The following TF variants were observed in gnomAD, a reference collection of about 807,000 sequenced individuals.
TF encodes the protein serotransferrin.
TF carries 55 observed loss-of-function variants against 82.4 expected under a neutral mutation model. The observed-to-expected ratio is 0.67, with a 90% CI of 0.54 to 0.84. The LOEUF (loss-of-function observed/expected upper bound fraction) is 0.84. TF is among the 40% of genes least tolerant of loss of function. The pLI is 0.00. For missense variants in TF, 737 were observed against 868.4 expected (o/e 0.85, Z 1.90); for synonymous variants, 332 against 332.6 (o/e 1.00, Z 0.02).
intron 7 of TF, 122 bp downstream of exon 7, chr3:133,757,131 C>A: frequency 7.7e-7 from 1 of 1,302,296 alleles, no homozygotes; most frequent in Non-Finnish European, 1.1e-6. Flanking sequence ...GGAGCCATGC[C>A]ACATGTCACT....
chr3:133,766,510 G>A (rs1440399528), intron 12 of TF, 77 bp downstream of exon 12: 6 of 1,590,446 alleles, frequency 3.8e-6, no homozygotes, highest in Non-Finnish European at 5.2e-6. Context: ...AGAGGAGTGT[G>A]GCATAAGGTG....
the TF span, among the ~76,000 whole-genome samples, chr3:133,733,753 C>T: frequency 6.6e-6 from 1 of 152,296 alleles, no homozygotes; most frequent in East Asian, 1.9e-4. Flanking sequence ...TGCACACAAT[C>T]CTATCTGCCC....
chr3:133,666,928 C>T, the TF span, among the ~76,000 whole-genome samples: 22,074 of 151,548 alleles, frequency 0.15, 1,866 homozygotes, highest in Non-Finnish European at 0.2. Context: ...CCCAGCTACT[C>T]GGGAGGCTGA....
In TF at chr3:133,783,394, A is replaced by AT. The variant is rs1934564961; in HGVS notation, c.*4778dup. 6.6e-6 allele frequency: 1 copy of AT among 152,202 alleles called. No homozygotes were observed. 9.4% of individuals were successfully genotyped at this position (152,202 alleles called of 1,614,324 possible). A position where few individuals can be genotyped will look rare whatever the true frequency, so the allele number is the denominator to read the frequency against. On this transcript the variant is annotated 3_prime_UTR_variant, in exon 17 of 17. Transcript: ENST00000402696. ...GTGTTTAGAAGCAGAGTAGCTGAAA[A>AT]TTTTGGCGCAGAAGAAAATCTCGTG...
At chr3:133,775,255 G>A (rs1934357027) in intron 14 of TF, 178 bp from the exon 15 acceptor site, 1 of 674,376 alleles carries the variant, frequency 1.5e-6, no homozygotes. Flanking sequence ...TGTGAGTCTG[G>A]CATCACCTTG....
the TF span, among the ~76,000 whole-genome samples, chr3:133,674,576 T>G: frequency 5.3e-5 from 8 of 151,824 alleles, no homozygotes; most frequent in Non-Finnish European, 1.2e-4. Context: ...GAGAGTGGGG[T>G]GGGTGACGCG....
At position 133,793,123 on chromosome 3, in the gene TF, A is replaced by G. The variant is rs765186806; in HGVS notation, c.*14503A>G. 6.6e-6 allele frequency: 1 copy of G among 152,208 alleles called. No homozygotes were observed. Among genetic ancestry groups the G allele is most frequent in the African/African-American group, 2.4e-5 (1 of 41,464 alleles). The allele number at this position is 152,208 out of a possible 1,614,324, so 9.4% of individuals were successfully genotyped here. Reference sequence around the variant, plus strand: ...CAAGATTTTCATGCAGTATTAAAAGATAATGAAAGATCTTTGTTTGCCTTT... The same window carrying G: ...CAAGATTTTCATGCAGTATTAAAAGGTAATGAAAGATCTTTGTTTGCCTTT... On this transcript the variant is annotated 3_prime_UTR_variant, in exon 17 of 17. Coordinates refer to ENST00000402696, the MANE Select transcript of TF (RefSeq NM_001063.4).
the TF span, among the ~76,000 whole-genome samples, chr3:133,683,105 G>A: frequency 6.6e-6 from 1 of 152,144 alleles, no homozygotes; most frequent in Non-Finnish European, 1.5e-5. Flanking sequence ...GCCAAACTAA[G>A]GTTCCTAAGT....
the TF span, among the ~76,000 whole-genome samples, chr3:133,734,045 C>T: frequency 2.0e-5 from 3 of 152,100 alleles, no homozygotes; most frequent in Admixed American, 6.6e-5. Context: ...TGCGGTTTCT[C>T]ATGGCCAGAG....
the TF span, among the ~76,000 whole-genome samples, chr3:133,681,649 G>T: frequency 6.6e-6 from 1 of 152,302 alleles, no homozygotes; most frequent in Admixed American, 6.5e-5. Context: ...AGTGAGGCTG[G>T]GGGAGGGGCG....
chr3:133,723,453 G>A, the TF span, among the ~76,000 whole-genome samples: 2 of 147,980 alleles, frequency 1.4e-5, no homozygotes, highest in Non-Finnish European at 3.0e-5. Context: ...GTACCATAGG[G>A]TTTCTTCATT....
At chr3:133,760,418 C>T (rs1272625294) in intron 9 of TF, 3 of 152,798 alleles carry the variant, frequency 2.0e-5, no homozygotes, top group African/African-American at 7.2e-5. Flanking sequence ...AACATATATT[C>T]CATTTTAATT....
chr3:133,781,404 A>C lies in TF; in HGVS notation c.*2784A>C, dbSNP rs1934514086. ...AAAGTGAAAGGAAATATTAAAATAA[A>C]AAATAACTTTCTTTTATACAAATAA... On this transcript the variant is annotated 3_prime_UTR_variant, in exon 17 of 17. Transcript: ENST00000402696. 6.6e-6 allele frequency: 1 copy of C among 152,120 alleles called. No individual in the cohort carries two copies. Among genetic ancestry groups the C allele is most frequent in the Non-Finnish European group, 1.5e-5 (1 of 68,012 alleles). The allele number at this position is 152,120 out of a possible 1,614,324, so 9.4% of individuals were successfully genotyped here.
At chr3:133,698,253 G>A in the TF span, among the ~76,000 whole-genome samples, 8 of 152,174 alleles carry the variant, frequency 5.3e-5, no homozygotes, top group African/African-American at 1.4e-4. Flanking sequence ...GCTTCATTCT[G>A]TTGTTGCTTT....
At chr3:133,685,384 T>C in the TF span, among the ~76,000 whole-genome samples, 1 of 152,190 alleles carries the variant, frequency 6.6e-6, no homozygotes. Flanking sequence ...ACAAAGGGTA[T>C]TCGATTAGGA....
rs2718799 is a variant in TF at position 133,779,030 on chromosome 3, G to A, written c.*410G>A. On this transcript the variant is annotated 3_prime_UTR_variant, in exon 17 of 17. Coordinates refer to ENST00000402696, the MANE Select transcript of TF (RefSeq NM_001063.4). ...TATACTGGTGTGTGTGTGCACGTGC[G>A]CGTGCGTGTGTCATGCTAAGGAAGG... 8.8e-3 allele frequency: 1,939 copies of A among 221,028 alleles called. 38 individuals are homozygous for A. Among genetic ancestry groups the A allele is most frequent in the African/African-American group, 0.04 (1,736 of 43,374 alleles). The allele number at this position is 221,028 out of a possible 1,614,324, so 13.7% of individuals were successfully genotyped here. A position where few individuals can be genotyped will look rare whatever the true frequency, so the allele number is the denominator to read the frequency against.
the TF span, among the ~76,000 whole-genome samples, chr3:133,666,423 G>A: frequency 2.6e-5 from 4 of 152,176 alleles, no homozygotes; most frequent in Non-Finnish European, 4.4e-5. Flanking sequence ...CACCCACCTC[G>A]ACCTCCCAAA....
In TF at chr3:133,794,646, T is replaced by C. The variant is rs1934922491; in HGVS notation, c.*16026T>C. Reference sequence around the variant, plus strand: ...AGCAAAACTTCTGGACTTTGAACTTTGGGTTCATGATCTCACAACTGAGAA... The same window carrying C: ...AGCAAAACTTCTGGACTTTGAACTTCGGGTTCATGATCTCACAACTGAGAA... On this transcript the variant is annotated 3_prime_UTR_variant, in exon 17 of 17. Transcript: ENST00000402696. 6.6e-6 allele frequency: 1 copy of C among 152,224 alleles called. No individual in the cohort carries two copies. The highest frequency in any genetic ancestry group is 1.5e-5 in the Non-Finnish European group (1 of 68,042). The allele number at this position is 152,224 out of a possible 1,614,324, so 9.4% of individuals were successfully genotyped here.
At chr3:133,752,057 AAC>A (rs1390880089) in intron 2 of TF, among the ~76,000 whole-genome samples, 1 of 152,040 alleles carries the variant, frequency 6.6e-6, no homozygotes, top group African/African-American at 2.4e-5. Context: ...ACTTGATTGT[AAC>A]ACAACAAAGT....
Sources: allele counts gnomAD v4.1 joint callset (sites outside exome capture counted in the v4.1 genomes callset), GRCh38; gene constraint gnomAD v4.1.1; transcripts MANE v1.5; gene names NCBI Gene and HGNC (gene_info 2026-07-23, HGNC 2026-07-21).